The following PALS2 variants were observed in gnomAD, a reference collection of about 807,000 sequenced individuals.
The protein encoded by PALS2 is protein PALS2.
A neutral mutation model predicts 61.6 loss-of-function variants in PALS2; 27 were observed. The observed-to-expected ratio is 0.44, with a 90% CI of 0.32 to 0.60. The LOEUF is 0.60. Among genes scored for constraint, PALS2 ranks in the 20% least tolerant of loss-of-function variants. PALS2 has a pLI of 0.05. For missense variants in PALS2, 554 were observed against 639.4 expected, an observed-to-expected ratio of 0.87 and a Z score of 1.44; for synonymous variants, 236 against 218.6, an observed-to-expected ratio of 1.08 and a Z score of -0.70.
chr7:24,624,096 T>G (rs1784635529), intron 2 of PALS2: 1 of 1,322,740 alleles, frequency 7.6e-7, no homozygotes, highest in South Asian at 1.2e-5. Flanking sequence ...TATTTCCATT[T>G]TCAACAATGG....
At chr7:24,650,279 T>C (rs1786070932) in intron 4 of PALS2, among the ~76,000 whole-genome samples, 2 of 152,178 alleles carry the variant, frequency 1.3e-5, no homozygotes, top group Non-Finnish European at 2.9e-5. Flanking sequence ...CCATTTAGCC[T>C]GTAAGATACA....
chr7:24,615,277 A>C (rs752010091), intron 1 of PALS2, among the ~76,000 whole-genome samples: 2 of 151,924 alleles, frequency 1.3e-5, no homozygotes, highest in Non-Finnish European at 2.9e-5. Context: ...AAGGAAGAAA[A>C]TAATAAGGAT....
Position 24,644,339 on chromosome 7 carries a change from A to G in PALS2, c.270+2471A>G, listed in dbSNP as rs147850984. Among the ~76,000 whole-genome samples, 3 of 152,126 alleles carry G rather than the reference A, an allele frequency of 2.0e-5. No homozygotes were observed. In the East Asian group the frequency reaches 5.8e-4, roughly 29 times the overall value. On this transcript the variant is annotated intron_variant, in intron 3 of 11. Transcript: ENST00000222644. ...AGTTCTTACCATTTAGCTCCCACTT[A>G]CAAGTGAGAACATGCATTATTTGGT...
chr7:24,581,650 G>C (rs909743523), intron 1 of PALS2, among the ~76,000 whole-genome samples: 5 of 152,144 alleles, frequency 3.3e-5, no homozygotes, highest in African/African-American at 1.2e-4. Flanking sequence ...CTATGTATAA[G>C]GTATAGGTCA....
chr7:24,655,522 A>G (rs890197115), intron 5 of PALS2, among the ~76,000 whole-genome samples: 2 of 152,100 alleles, frequency 1.3e-5, no homozygotes, highest in African/African-American at 2.4e-5. Flanking sequence ...GCTGTCTATT[A>G]TATTATTAAA....
At chr7:24,662,694 G>A (rs1786786030) in intron 5 of PALS2, among the ~76,000 whole-genome samples, 1 of 150,020 alleles carries the variant, frequency 6.7e-6, no homozygotes, top group African/African-American at 2.4e-5. Context: ...ACTTGAACCT[G>A]GGAGGCGGAG....
chr7:24,661,129 A>T (rs1786698255), intron 5 of PALS2, among the ~76,000 whole-genome samples: 1 of 152,174 alleles, frequency 6.6e-6, no homozygotes, highest in South Asian at 2.1e-4. Context: ...CATAGCCTAT[A>T]AGTGCAACAC....
intron 1 of PALS2, among the ~76,000 whole-genome samples, chr7:24,579,573 T>G (rs1782760495): frequency 6.6e-6 from 1 of 152,122 alleles, no homozygotes; most frequent in Non-Finnish European, 1.5e-5. Context: ...CCATTCCCCT[T>G]TCTTCTACCC....
intron 9 of PALS2, among the ~76,000 whole-genome samples, chr7:24,676,222 G>T (rs1265611366): frequency 2.0e-5 from 3 of 152,020 alleles, no homozygotes; most frequent in Non-Finnish European, 2.9e-5. Flanking sequence ...TGATGGGGTT[G>T]TTTGTTTTTT....
At chr7:24,586,569 A>G (rs1196072158) in intron 1 of PALS2, among the ~76,000 whole-genome samples, 1 of 152,260 alleles carries the variant, frequency 6.6e-6, no homozygotes, top group Non-Finnish European at 1.5e-5. Flanking sequence ...TGGTTAGAAC[A>G]GAGAGTTTAT....
intron 1 of PALS2, among the ~76,000 whole-genome samples, chr7:24,601,849 C>T (rs1039074039): frequency 6.6e-6 from 1 of 152,070 alleles, no homozygotes; most frequent in Non-Finnish European, 1.5e-5. Context: ...TGATTCTTGA[C>T]ACGTGATTTT....
intron 9 of PALS2, among the ~76,000 whole-genome samples, chr7:24,678,770 C>A (rs1016539823): frequency 1.3e-5 from 2 of 152,126 alleles, no homozygotes; most frequent in Non-Finnish European, 2.9e-5. Flanking sequence ...TTTTAAGAAG[C>A]ATATTTTTGG....
At chr7:24,684,229 A>G (rs1194120133) in intron 11 of PALS2, among the ~76,000 whole-genome samples, 1 of 152,086 alleles carries the variant, frequency 6.6e-6, no homozygotes, top group Non-Finnish European at 1.5e-5. Flanking sequence ...CCTCCCAAGT[A>G]GCTGGGACTA....
At chr7:24,581,224 CTG>C (rs1279568479) in intron 1 of PALS2, among the ~76,000 whole-genome samples, 1 of 150,456 alleles carries the variant, frequency 6.6e-6, no homozygotes, top group African/African-American at 2.5e-5. Context: ...TCTTTCAGCT[CTG>C]TGTCTTTCAT....
chr7:24,680,250 G>A (rs1240940747), intron 10 of PALS2, 142 bp from the exon 11 acceptor site: 2 of 734,586 alleles, frequency 2.7e-6, no homozygotes, highest in Non-Finnish European at 4.1e-6. Flanking sequence ...TATGGAATGA[G>A]AAGGACAGAA....
chr7:24,648,782 G>A (rs1428140024), intron 3 of PALS2, among the ~76,000 whole-genome samples: 1 of 151,784 alleles, frequency 6.6e-6, no homozygotes, highest in Non-Finnish European at 1.5e-5. Flanking sequence ...GCATGCGCCT[G>A]TAGTCCCAGC....
At chr7:24,616,692 C>CCT (rs1293249635) in intron 1 of PALS2, among the ~76,000 whole-genome samples, 2 of 152,086 alleles carry the variant, frequency 1.3e-5, no homozygotes, top group Admixed American at 1.3e-4. Context: ...AGGACTTACT[C>CCT]CTGTCATTTT....
In PALS2 at chr7:24,609,545, C is replaced by T. The variant is rs116302393; in HGVS notation, c.-2-14121C>T. Among the ~76,000 whole-genome samples the T allele has an allele frequency of 3.4e-3, 519 of 152,074 alleles. 1 individual carries two copies. The highest frequency in any genetic ancestry group is 0.012 in the African/African-American group (492 of 41,476). On this transcript the variant is annotated intron_variant, in intron 1 of 11. Transcript: ENST00000222644. ...TATAACACCTGTGGAAGACAACAGC[C>T]GTTTGATGAAAAAAGGAATTTTTTT...
intron 1 of PALS2, among the ~76,000 whole-genome samples, chr7:24,574,823 C>T (rs1267294487): frequency 6.6e-6 from 1 of 152,100 alleles, no homozygotes; most frequent in African/African-American, 2.4e-5. Context: ...GTCGAATATA[C>T]CAGGCGAAGT....
Sources: allele counts gnomAD v4.1 joint callset (sites outside exome capture counted in the v4.1 genomes callset), GRCh38; gene constraint gnomAD v4.1.1; transcripts MANE v1.5; gene names NCBI Gene and HGNC (gene_info 2026-07-23, HGNC 2026-07-21).